The following NEK6 variants were observed in gnomAD, a reference collection of about 807,000 sequenced individuals.
NEK6 encodes serine/threonine-protein kinase Nek6.
A neutral mutation model predicts 43.5 loss-of-function variants in NEK6; 27 were observed. The ratio of observed to expected loss-of-function variants is 0.62; its 90% CI spans 0.46 to 0.86. NEK6 has a LOEUF of 0.86. NEK6 is among the 40% of genes least tolerant of loss of function. NEK6 has a pLI of 0.00. For synonymous variants in NEK6, 167 were observed against 164.1 expected (o/e 1.02, Z -0.14); for missense variants, 318 against 414.4 (o/e 0.77, Z 2.02).
At chr9:124,265,616 G>A (rs573681071) in intron 1 of NEK6, 2 of 152,294 alleles carry the variant, frequency 1.3e-5, no homozygotes, top group East Asian at 1.9e-4. Context: ...ATCATGACCA[G>A]CCTCAGGTCC....
intron 1 of NEK6, among the ~76,000 whole-genome samples, chr9:124,260,415 A>G (rs1270247491): frequency 6.6e-6 from 1 of 152,066 alleles, no homozygotes; most frequent in Non-Finnish European, 1.5e-5. Flanking sequence ...TATTTTTGAG[A>G]CAGAGTCTCA....
At position 124,315,792 on chromosome 9, in the gene NEK6, G is replaced by A. The variant is rs200250421; in HGVS notation, c.294+1807G>A. On this transcript the variant is annotated intron_variant, in intron 4 of 9. Coordinates refer to ENST00000320246, the MANE Select transcript of NEK6 (RefSeq NM_014397.6). ...CAGAGGGGATTTGGTCCCTTCTCCA[G>A]GGCTGCCATGCAGCCAAGGGCACCA... Among the ~76,000 whole-genome samples, 29 of 152,370 alleles carry A rather than the reference G, an allele frequency of 1.9e-4. No homozygotes were observed. The East Asian group carries it at 2.9e-3, about 15-fold the overall frequency.
At position 124,333,366 on chromosome 9, in the gene NEK6, C is replaced by G. The variant is rs542669442; in HGVS notation, c.622+5921C>G. Among the ~76,000 whole-genome samples the G allele has an allele frequency of 3.9e-5, 6 of 152,230 alleles. No homozygotes were observed. The South Asian group carries it at 1.2e-3, about 32-fold the overall frequency. On this transcript the variant is annotated intron_variant, in intron 7 of 9. Coordinates refer to ENST00000320246, the MANE Select transcript of NEK6 (RefSeq NM_014397.6). ...CTAGCTGCAGTCCAGGACACCCTGC[C>G]CCCCAGTGAGACACAGCACCCTGAC...
chr9:124,297,111 T>C (rs2119099617), intron 1 of NEK6, among the ~76,000 whole-genome samples: 1 of 152,330 alleles, frequency 6.6e-6, no homozygotes, highest in African/African-American at 2.4e-5. Context: ...GAGGCCATGC[T>C]GCGTAGGACA....
chr9:124,317,150 CAT>C lies in NEK6; in HGVS notation c.294+3166_294+3167del, dbSNP rs2100133934. Among the ~76,000 whole-genome samples the C allele has an allele frequency of 2.0e-5, 3 of 152,326 alleles. No individual in the cohort carries two copies. The South Asian group carries it at 6.2e-4, about 32-fold the overall frequency. On this transcript the variant is annotated intron_variant, in intron 4 of 9. Coordinates refer to ENST00000320246, the MANE Select transcript of NEK6 (RefSeq NM_014397.6). Reference sequence around the variant, plus strand: ...GACACTTTTTTTGGTAACTGAAAAACATGTCTATGGAGCATGATGTGTGCTGA... The same window carrying C: ...GACACTTTTTTTGGTAACTGAAAAACGTCTATGGAGCATGATGTGTGCTGA...
Position 124,343,289 on chromosome 9 carries a change from GA to G in NEK6, c.717+3625del, listed in dbSNP as rs1419430448. Among the ~76,000 whole-genome samples the G allele has an allele frequency of 6.8e-6, 1 of 148,120 alleles. No homozygotes were observed. The highest frequency in any genetic ancestry group is 1.5e-5 in the Non-Finnish European group (1 of 66,762). On this transcript the variant is annotated intron_variant, in intron 8 of 9. Coordinates refer to ENST00000320246, the MANE Select transcript of NEK6 (RefSeq NM_014397.6). The surrounding 1 kb of genome is among the most constrained non-coding windows in gnomAD (Gnocchi z 5.1). ...GTACGGGGGATGGATCGCAGCTGGGGAGGTACCGATCGCAGCGAGGGGTGGT... is the reference window on the plus strand; with the variant it reads ...GTACGGGGGATGGATCGCAGCTGGGGGGTACCGATCGCAGCGAGGGGTGGT...
intron 4 of NEK6, among the ~76,000 whole-genome samples, chr9:124,319,309 G>GT (rs955184120): frequency 7.8e-5 from 11 of 140,396 alleles, no homozygotes; most frequent in African/African-American, 2.0e-4. Flanking sequence ...TTAATGTTTT[G>GT]TTTTTTTTTA....
At chr9:124,293,590 C>T (rs1397938971) in intron 1 of NEK6, among the ~76,000 whole-genome samples, 5 of 152,174 alleles carry the variant, frequency 3.3e-5, no homozygotes, top group Non-Finnish European at 7.4e-5. Context: ...CTGCAGTGTG[C>T]GGCCCAGTTG....
intron 1 of NEK6, among the ~76,000 whole-genome samples, chr9:124,294,770 TG>T (rs1832601206): frequency 6.6e-6 from 1 of 152,142 alleles, no homozygotes; most frequent in Non-Finnish European, 1.5e-5. Context: ...GACCTTTTGC[TG>T]TGGAGTTTCA....
intron 1 of NEK6, among the ~76,000 whole-genome samples, chr9:124,280,317 C>T (rs1831841061): frequency 6.6e-6 from 1 of 152,208 alleles, no homozygotes; most frequent in Admixed American, 6.5e-5. Flanking sequence ...CTGGTCTAGG[C>T]GTGCAGAACA....
Position 124,327,348 on chromosome 9 carries a change from T to G in NEK6, c.525T>G (p.Pro175=). The G allele has an allele frequency of 1.9e-6, 3 of 1,613,844 alleles. No individual in the cohort carries two copies. The highest frequency in any genetic ancestry group is 2.5e-6 in the Non-Finnish European group (3 of 1,179,926). ...CTCCTCGCCCTGCAGACATCAAGCCTGCCAACGTGTTCATCACAGCCACGG... is the reference window on the plus strand; with the variant it reads ...CTCCTCGCCCTGCAGACATCAAGCCGGCCAACGTGTTCATCACAGCCACGG... ...SRRVMHRDIK[P]ANVFITATGV... is the part of the protein sequence containing the mutation. The change falls in exon 7 of 10, where the codon CCT becomes CCG. Residue 175 remains proline, a synonymous_variant. Coordinates refer to ENST00000320246, the MANE Select transcript of NEK6 (RefSeq NM_014397.6).
chr9:124,314,053 AT>A (rs1344808065), intron 4 of NEK6, 68 bp downstream of exon 4: 1 of 1,393,170 alleles, frequency 7.2e-7, no homozygotes, highest in African/African-American at 1.4e-5. Flanking sequence ...GCTGGGCCAC[AT>A]CATGTCCATC....
intron 1 of NEK6, among the ~76,000 whole-genome samples, chr9:124,284,074 C>T (rs921234302): frequency 5.9e-5 from 9 of 152,220 alleles, no homozygotes; most frequent in African/African-American, 9.6e-5. Context: ...GTGGGCCAGG[C>T]GCAGTGGCTC....
intron 1 of NEK6, among the ~76,000 whole-genome samples, chr9:124,263,344 C>G (rs891197418): frequency 6.6e-6 from 1 of 152,194 alleles, no homozygotes; most frequent in Admixed American, 6.5e-5. Flanking sequence ...GGCGCTCCCC[C>G]ACAGCCGCAT....
intron 1 of NEK6, among the ~76,000 whole-genome samples, chr9:124,262,684 G>T (rs1219923860): frequency 6.6e-6 from 1 of 152,228 alleles, no homozygotes; most frequent in Non-Finnish European, 1.5e-5. Context: ...AGATGGGGTG[G>T]CCGAGATCTG....
At chr9:124,269,940 T>A (rs1212777966) in intron 1 of NEK6, among the ~76,000 whole-genome samples, 1 of 152,052 alleles carries the variant, frequency 6.6e-6, no homozygotes. Flanking sequence ...GCCCTTTCAG[T>A]CTCCCACAGT....
chr9:124,295,176 C>T (rs1019194007), intron 1 of NEK6, among the ~76,000 whole-genome samples: 1 of 152,216 alleles, frequency 6.6e-6, no homozygotes, highest in Non-Finnish European at 1.5e-5. Flanking sequence ...GGTCCTGCAT[C>T]CCTGCACCTT....
At chr9:124,298,763 C>T (rs1284379659) in intron 1 of NEK6, among the ~76,000 whole-genome samples, 1 of 152,194 alleles carries the variant, frequency 6.6e-6, no homozygotes, top group Admixed American at 6.5e-5. Context: ...TTAACCTCTT[C>T]GTGCCTCAGT....
chr9:124,338,920 CAT>C (rs755076187), intron 7 of NEK6, among the ~76,000 whole-genome samples: 1 of 133,400 alleles, frequency 7.5e-6, no homozygotes, highest in Non-Finnish European at 1.6e-5. Context: ...CCTTAAAGGA[CAT>C]GTGGTCAGTT....
Sources: gnomAD v4.1 joint callset for allele counts (sites outside exome capture counted in the v4.1 genomes callset) on GRCh38, gnomAD v4.1.1 for gene constraint, Gnocchi (gnomAD v3.1) non-coding constraint, MANE v1.5 for transcripts, NCBI Gene and HGNC (gene_info 2026-07-23, HGNC 2026-07-21) for gene names.